The following SLIT3 variants were observed in gnomAD, a reference collection of about 807,000 sequenced individuals.
SLIT3 encodes the protein slit homolog 3 protein.
A neutral mutation model predicts 184.0 loss-of-function variants in SLIT3; 68 were observed. The ratio of observed to expected loss-of-function variants is 0.37; its 90% confidence interval spans 0.30 to 0.45. SLIT3 has a LOEUF of 0.45. Ranked by LOEUF, SLIT3 falls within the 20% of genes least tolerant of loss-of-function variation. The pLI is 1.00. For synonymous variants in SLIT3, 831 were observed against 828.6 expected, an observed-to-expected ratio of 1.00 and a Z score of -0.05; for missense variants, 1,707 against 2,026.0, an observed-to-expected ratio of 0.84 and a Z score of 3.02.
rs543000934 is a variant in SLIT3, at chr5:168,692,776, G to C, written c.3083-76C>G. On this transcript the variant is annotated intron_variant, in intron 28 of 35. Transcript: ENST00000519560. The stretch of plus-strand genomic sequence containing the variant: ...CTGGCCAGAAGATCAGAGTACTAGG[G>C]GGGATATCCTGGCCAGAAGATCAGA... 5.7e-6 allele frequency: 6 copies of C among 1,053,296 alleles called. No individual in the cohort carries two copies. In the East Asian group the frequency reaches 1.4e-4, roughly 25 times the overall value. The allele number at this position is 1,053,296 out of a possible 1,614,324, so 65.2% of individuals were successfully genotyped here.
chr5:169,051,205 A>T (rs530413016), intron 4 of SLIT3, among the ~76,000 whole-genome samples: 1 of 152,338 alleles, frequency 6.6e-6, no homozygotes, highest in Admixed American at 6.5e-5. Context: ...GATTCACGAA[A>T]AATAGGAAGG....
intron 4 of SLIT3, among the ~76,000 whole-genome samples, chr5:168,991,208 T>TG (rs1755314222): frequency 6.6e-6 from 1 of 152,182 alleles, no homozygotes; most frequent in East Asian, 1.9e-4. Flanking sequence ...GACTCTGAAC[T>TG]GGGGGGTTTC....
At chr5:169,145,307 G>A (rs776630338) in intron 4 of SLIT3, among the ~76,000 whole-genome samples, 2 of 152,132 alleles carry the variant, frequency 1.3e-5, no homozygotes, top group African/African-American at 4.8e-5. Context: ...ATTGCTCGAT[G>A]CCCACTAGGT....
At chr5:169,132,776 C>G (rs972380452) in intron 4 of SLIT3, among the ~76,000 whole-genome samples, 3 of 150,934 alleles carry the variant, frequency 2.0e-5, no homozygotes, top group East Asian at 3.9e-4. Context: ...AAGAATGACT[C>G]CTGTCTAGCT....
rs146517086 is a variant in SLIT3, at chr5:169,006,540, C to T, written c.414-123204G>A. Among the ~76,000 whole-genome samples the T allele has an allele frequency of 1.7e-3, 257 of 150,504 alleles. 1 individual carries two copies. Among genetic ancestry groups the T allele is most frequent in the Non-Finnish European group, 2.5e-3 (170 of 67,594 alleles). Reference sequence around the variant, plus strand: ...AACAGTTAAATCTTCCATTGCAGACCAATTAAAATTTAAAGATTTTCTCTC... The same window carrying T: ...AACAGTTAAATCTTCCATTGCAGACTAATTAAAATTTAAAGATTTTCTCTC... On this transcript the variant is annotated intron_variant, in intron 4 of 35. Coordinates refer to ENST00000519560, the MANE Select transcript of SLIT3 (RefSeq NM_003062.4).
chr5:169,148,524 A>ACTTAT (rs1479780678), intron 4 of SLIT3, among the ~76,000 whole-genome samples: 1 of 152,232 alleles, frequency 6.6e-6, no homozygotes, highest in Non-Finnish European at 1.5e-5. Context: ...CATGCTCTTA[A>ACTTAT]TAAGTCTGAG....
At chr5:168,819,821 C>G (rs1008305044) in intron 7 of SLIT3, among the ~76,000 whole-genome samples, 1 of 152,156 alleles carries the variant, frequency 6.6e-6, no homozygotes, top group Admixed American at 6.5e-5. Flanking sequence ...ACAGATAGTT[C>G]CTATCCCTTT....
chr5:168,713,864 ACT>A (rs1321627703), intron 23 of SLIT3, among the ~76,000 whole-genome samples: 1 of 152,042 alleles, frequency 6.6e-6, no homozygotes, highest in African/African-American at 2.4e-5. Context: ...TTTCTGACAA[ACT>A]CTGAGGTGAT....
chr5:168,892,089 C>T (rs11744696), intron 4 of SLIT3, among the ~76,000 whole-genome samples: 56,475 of 151,924 alleles, frequency 0.37, 11,462 homozygotes, highest in East Asian at 0.61. Flanking sequence ...CGCTGTCCCA[C>T]GGAAATATAT....
intron 4 of SLIT3, among the ~76,000 whole-genome samples, chr5:168,940,319 C>G (rs1388912546): frequency 6.6e-6 from 1 of 152,168 alleles, no homozygotes; most frequent in Non-Finnish European, 1.5e-5. Flanking sequence ...CCAGATGTCA[C>G]TAGTTCTTTG....
At chr5:168,889,490 G>A (rs1760355621) in intron 4 of SLIT3, among the ~76,000 whole-genome samples, 1 of 152,216 alleles carries the variant, frequency 6.6e-6, no homozygotes, top group South Asian at 2.1e-4. Flanking sequence ...TTGTGTTTCT[G>A]AATATTTCAT....
chr5:169,235,490 A>G (rs1765163421), intron 3 of SLIT3, among the ~76,000 whole-genome samples: 1 of 152,190 alleles, frequency 6.6e-6, no homozygotes, highest in African/African-American at 2.4e-5. Flanking sequence ...CCCTATTAAC[A>G]TCTTATATAA....
At chr5:169,231,814 C>T (rs1765013248) in intron 3 of SLIT3, among the ~76,000 whole-genome samples, 1 of 152,184 alleles carries the variant, frequency 6.6e-6, no homozygotes, top group Admixed American at 6.5e-5. Context: ...AGTTGTTTCA[C>T]CTCATCACCA....
At chr5:168,676,193 CCTT>C (rs1761406457) in intron 32 of SLIT3, among the ~76,000 whole-genome samples, 1 of 148,904 alleles carries the variant, frequency 6.7e-6, no homozygotes, top group South Asian at 2.1e-4. Flanking sequence ...ATCCATCCAT[CCTT>C]CATCTACCCT....
chr5:169,121,914 C>T (rs773981138), intron 4 of SLIT3, among the ~76,000 whole-genome samples: 4 of 152,176 alleles, frequency 2.6e-5, no homozygotes, highest in East Asian at 1.9e-4. Context: ...TCCAAGTCAC[C>T]GCCCAACACT....
chr5:168,748,391 C>A lies in SLIT3; in HGVS notation c.2181G>T (p.Glu727Asp). The change falls in exon 20 of 36, where the codon GAG becomes GAT. Residue 727 changes from glutamate to aspartate, a missense_variant. Physicochemically the swap from Glu to Asp is conservative, Grantham distance 45. Coordinates refer to ENST00000519560, the MANE Select transcript of SLIT3 (RefSeq NM_003062.4). ...CCACTGTCTCCATACAGGTGCACTG[C>A]TCCGGGCAGCGCGGGCTCAGCTGGC... ...SSCQLSPRCP[E>D]QCTCMETVVR... 6.6e-7 allele frequency: 1 copy of A among 1,520,966 alleles called. No homozygotes were observed. The highest frequency in any genetic ancestry group is 8.7e-7 in the Non-Finnish European group (1 of 1,146,134). The allele number at this position is 1,520,966 out of a possible 1,614,324, so 94.2% of individuals were successfully genotyped here. A position where few individuals can be genotyped will look rare whatever the true frequency, so the allele number is the denominator to read the frequency against.
chr5:168,798,889 A>G (rs1485478286), intron 9 of SLIT3, among the ~76,000 whole-genome samples: 1 of 152,176 alleles, frequency 6.6e-6, no homozygotes, highest in Non-Finnish European at 1.5e-5. Context: ...AAACATGAGA[A>G]AATTGAGGCT....
intron 4 of SLIT3, among the ~76,000 whole-genome samples, chr5:169,109,134 G>A (rs994091580): frequency 6.6e-6 from 1 of 152,184 alleles, no homozygotes; most frequent in Non-Finnish European, 1.5e-5. Flanking sequence ...TCACTCCCAG[G>A]ATTACATTAT....
intron 4 of SLIT3, among the ~76,000 whole-genome samples, chr5:168,902,199 T>C (rs1760895207): frequency 6.6e-6 from 1 of 152,156 alleles, no homozygotes; most frequent in Non-Finnish European, 1.5e-5. Flanking sequence ...CTGAAATGGA[T>C]AGTCTTTCTA....
Sources: allele counts gnomAD v4.1 joint callset (sites outside exome capture counted in the v4.1 genomes callset), GRCh38; gene constraint gnomAD v4.1.1; transcripts MANE v1.5; gene names NCBI Gene and HGNC (gene_info 2026-07-23, HGNC 2026-07-21).